Variants in TANC1 observed in about 807,000 individuals in gnomAD.
TANC1 encodes the protein tetratricopeptide repeat, ankyrin repeat and coiled-coil containing 1, also known as protein TANC1.
TANC1 carries 77 observed loss-of-function variants against 149.7 expected under a neutral mutation model. The ratio of observed to expected loss-of-function variants is 0.51; its 90% CI spans 0.43 to 0.62. TANC1 has a LOEUF of 0.62. Among genes scored for constraint, TANC1 ranks in the 20% least tolerant of loss-of-function variants. The pLI is 0.00. For missense variants in TANC1, 1,985 were observed against 2,321.8 expected (o/e 0.85, Z 2.98); for synonymous variants, 854 against 925.0 (o/e 0.92, Z 1.39).
chr2:159,112,572 T>TTC (rs72299757), intron 4 of TANC1, among the ~76,000 whole-genome samples: 4 of 142,260 alleles, frequency 2.8e-5, no homozygotes, highest in Admixed American at 7.0e-5. Flanking sequence ...TTTTTTTTTT[T>TTC]TCTCGTTTTC....
At chr2:159,005,070 ATTG>A (rs752752101) in intron 2 of TANC1, among the ~76,000 whole-genome samples, 1 of 152,102 alleles carries the variant, frequency 6.6e-6, no homozygotes. Context: ...CACTCATGCT[ATTG>A]TTTGTGGTTC....
intron 22 of TANC1, 133 bp from the exon 23 acceptor site, chr2:159,224,098 AT>A (rs1450740340): frequency 9.7e-7 from 1 of 1,028,758 alleles, no homozygotes; most frequent in African/African-American, 1.6e-5. Flanking sequence ...TGTCCACTTT[AT>A]TTCTAGTCTA....
At chr2:159,060,112 C>T (rs988578988) in intron 2 of TANC1, 9 of 976,776 alleles carry the variant, frequency 9.2e-6, no homozygotes, top group Admixed American at 6.2e-5. Flanking sequence ...CTGTTAGTTA[C>T]GTGAGTCAGA....
intron 3 of TANC1, among the ~76,000 whole-genome samples, chr2:159,070,179 T>G (rs1044463338): frequency 1.5e-4 from 23 of 152,178 alleles, no homozygotes. Context: ...ATAACCTGAT[T>G]CATTATTTTA....
At chr2:159,154,592 A>T (rs962578884) in intron 7 of TANC1, among the ~76,000 whole-genome samples, 1 of 152,186 alleles carries the variant, frequency 6.6e-6, no homozygotes, top group Non-Finnish European at 1.5e-5. Context: ...TATGTTATCC[A>T]GAGGGGAGTC....
intron 7 of TANC1, among the ~76,000 whole-genome samples, chr2:159,155,757 A>G (rs369478967): frequency 6.6e-6 from 1 of 152,242 alleles, no homozygotes; most frequent in African/African-American, 2.4e-5. Context: ...ATGCATTTAG[A>G]CAGGGGAATA....
At chr2:159,002,724 A>G (rs983086846) in intron 2 of TANC1, among the ~76,000 whole-genome samples, 1 of 152,172 alleles carries the variant, frequency 6.6e-6, no homozygotes, top group Non-Finnish European at 1.5e-5. Context: ...TGTTTACTTT[A>G]GATTCAGCAG....
chr2:159,075,545 C>A (rs1380116048), intron 3 of TANC1, among the ~76,000 whole-genome samples: 1 of 151,982 alleles, frequency 6.6e-6, no homozygotes, highest in African/African-American at 2.4e-5. Flanking sequence ...CATCACACTC[C>A]AGCCCAAGTG....
chr2:159,093,690 A>C (rs542092247), intron 3 of TANC1, among the ~76,000 whole-genome samples: 1 of 152,286 alleles, frequency 6.6e-6, no homozygotes, highest in Non-Finnish European at 1.5e-5. Flanking sequence ...AACATGTTTG[A>C]GAGTGATTAT....
intron 24 of TANC1, chr2:159,227,208 T>C (rs150344867): frequency 1.8e-4 from 28 of 152,368 alleles, no homozygotes; most frequent in African/African-American, 6.3e-4. Flanking sequence ...TATGGATTGG[T>C]AGGCAATTAT....
intron 7 of TANC1, among the ~76,000 whole-genome samples, chr2:159,156,953 C>T (rs1423219307): frequency 6.6e-6 from 1 of 152,176 alleles, no homozygotes; most frequent in African/African-American, 2.4e-5. Flanking sequence ...TGGGAATGTG[C>T]GGCTCGGGCC....
Position 159,105,983 on chromosome 2 carries a change from CTG to C in TANC1, c.259+8151_259+8152del, listed in dbSNP as rs943991272. Among the ~76,000 whole-genome samples, 875 of 145,698 alleles carry C rather than the reference CTG, an allele frequency of 6.0e-3. 16 individuals are homozygous for C. Among genetic ancestry groups the C allele is most frequent in the African/African-American group, 0.02 (819 of 40,086 alleles). On this transcript the variant is annotated intron_variant, in intron 4 of 26. Transcript: ENST00000263635. ...GTCATGTATGTTTAAAAAAAAAAAA[CTG>C]TTTCTGGTTCGTTTTCCATCTAATT...
intron 3 of TANC1, among the ~76,000 whole-genome samples, chr2:159,084,890 C>A (rs560918250): frequency 6.6e-6 from 1 of 152,276 alleles, no homozygotes; most frequent in African/African-American, 2.4e-5. Flanking sequence ...CGGAGTCAAA[C>A]TGGCTGGGTT....
chr2:159,028,403 G>C (rs1037257854), intron 2 of TANC1, among the ~76,000 whole-genome samples: 1 of 152,192 alleles, frequency 6.6e-6, no homozygotes, highest in Non-Finnish European at 1.5e-5. Context: ...TTACAGGTGT[G>C]AGCCATCATG....
intron 3 of TANC1, among the ~76,000 whole-genome samples, chr2:159,073,927 A>C (rs1465856464): frequency 2.0e-5 from 3 of 152,222 alleles, no homozygotes; most frequent in African/African-American, 4.8e-5. Context: ...CTGGTGATCC[A>C]AACTGAGTAT....
chr2:159,073,272 G>A (rs1454829894), intron 3 of TANC1, among the ~76,000 whole-genome samples: 1 of 152,182 alleles, frequency 6.6e-6, no homozygotes, highest in Admixed American at 6.5e-5. Context: ...AGAGTTAGGG[G>A]AAGTAGGGAA....
At chr2:159,126,377 A>G (rs1042625064) in intron 4 of TANC1, among the ~76,000 whole-genome samples, 1 of 152,220 alleles carries the variant, frequency 6.6e-6, no homozygotes. Flanking sequence ...TCTGAGGCTT[A>G]TTACAATCTG....
chr2:158,992,849 G>C (rs2035793022), intron 1 of TANC1, among the ~76,000 whole-genome samples: 1 of 152,022 alleles, frequency 6.6e-6, no homozygotes, highest in Non-Finnish European at 1.5e-5. Flanking sequence ...ATTTCCCCAG[G>C]TGTTGTGTGG....
intron 3 of TANC1, among the ~76,000 whole-genome samples, chr2:159,070,562 A>C (rs1346127332): frequency 6.6e-6 from 1 of 152,204 alleles, no homozygotes; most frequent in Non-Finnish European, 1.5e-5. Context: ...GTTTTTTTAA[A>C]ACACTACAAA....
Sources: allele counts gnomAD v4.1 joint callset (sites outside exome capture counted in the v4.1 genomes callset), GRCh38; gene constraint gnomAD v4.1.1; transcripts MANE v1.5; gene names NCBI Gene and HGNC (gene_info 2026-07-23, HGNC 2026-07-21).